The following SPTBN1 variants were observed in gnomAD, a reference collection of about 807,000 sequenced individuals.
SPTBN1 encodes the protein spectrin beta, non-erythrocytic 1, also known as spectrin beta chain, non-erythrocytic 1.
A neutral mutation model predicts 266.4 loss-of-function variants in SPTBN1; 32 were observed. The observed-to-expected ratio is 0.12, with a 90% confidence interval of 0.09 to 0.16. SPTBN1 has a LOEUF of 0.16. SPTBN1 is among the 10% of genes least tolerant of loss of function. The pLI is 1.00. For synonymous variants in SPTBN1, 1,336 were observed against 1,162.2 expected (o/e 1.15, Z -3.04); for missense variants, 2,296 against 3,067.1 (o/e 0.75, Z 5.94).
At chr2:54,503,721 A>G (rs2104141769) in intron 1 of SPTBN1, among the ~76,000 whole-genome samples, 1 of 152,206 alleles carries the variant, frequency 6.6e-6, no homozygotes, top group African/African-American at 2.4e-5. Flanking sequence ...AGCAAAACCA[A>G]CCCACTTCTG....
intron 15 of SPTBN1, among the ~76,000 whole-genome samples, chr2:54,630,592 A>C (rs1433948033): frequency 6.6e-6 from 1 of 152,176 alleles, no homozygotes. Context: ...CTGGGAATGG[A>C]TATCTTGTAA....
intron 2 of SPTBN1, among the ~76,000 whole-genome samples, chr2:54,588,942 C>T (rs946817340): frequency 1.3e-5 from 2 of 151,854 alleles, no homozygotes; most frequent in African/African-American, 4.8e-5. Flanking sequence ...ATATTTTTAA[C>T]TTTTGTGGAT....
chr2:54,582,277 TAAAA>T (rs1674972870), intron 2 of SPTBN1, among the ~76,000 whole-genome samples: 2 of 152,044 alleles, frequency 1.3e-5, no homozygotes, highest in African/African-American at 4.8e-5. Context: ...AGGTGACACT[TAAAA>T]AGGAAGGTGT....
At chr2:54,456,771 TGCGGTGAG>T (rs1693054230) in intron 1 of SPTBN1, among the ~76,000 whole-genome samples, 4 of 150,368 alleles carry the variant, frequency 2.7e-5, no homozygotes, top group Admixed American at 2.6e-4. Context: ...CGGCAGGCTC[TGCGGTGAG>T]GCGGCAGCAG....
chr2:54,527,314 G>A (rs13409138), intron 2 of SPTBN1: 2 of 152,210 alleles, frequency 1.3e-5, no homozygotes, highest in African/African-American at 4.8e-5. Context: ...TTCAGATGAA[G>A]TTTATTCCAA....
chr2:54,591,495 A>ATAC (rs1325226195), intron 2 of SPTBN1, among the ~76,000 whole-genome samples: 3 of 152,244 alleles, frequency 2.0e-5, no homozygotes, highest in African/African-American at 7.2e-5. Flanking sequence ...TTACTGGGTT[A>ATAC]TACGTGCAGG....
intron 2 of SPTBN1, among the ~76,000 whole-genome samples, chr2:54,541,028 A>C (rs951493396): frequency 2.0e-5 from 3 of 152,238 alleles, no homozygotes; most frequent in African/African-American, 7.2e-5. Flanking sequence ...AAAACAATCT[A>C]GTAACTTCCT....
chr2:54,603,284 A>C (rs996582954), intron 3 of SPTBN1, among the ~76,000 whole-genome samples: 4 of 152,194 alleles, frequency 2.6e-5, no homozygotes, highest in African/African-American at 9.7e-5. Context: ...GGTAGCAGGC[A>C]TCAGGAACTG....
chr2:54,617,794 G>A (rs564848190), intron 6 of SPTBN1, 106 bp downstream of exon 6: 49 of 1,100,502 alleles, frequency 4.5e-5, no homozygotes, highest in African/African-American at 9.4e-5. Context: ...CTGTCTCACC[G>A]TGGTGGAAAT....
chr2:54,512,744 T>G (rs1334674110), intron 1 of SPTBN1, among the ~76,000 whole-genome samples: 7 of 152,222 alleles, frequency 4.6e-5, no homozygotes, highest in Non-Finnish European at 1.5e-5. Flanking sequence ...AGAATTTTAC[T>G]GGGATCCAAA....
chr2:54,568,787 G>A (rs1673847899), intron 2 of SPTBN1, among the ~76,000 whole-genome samples: 1 of 152,204 alleles, frequency 6.6e-6, no homozygotes, highest in Non-Finnish European at 1.5e-5. Context: ...GTCCTGGGAA[G>A]TAGAAATTTA....
chr2:54,657,694 A>T (rs1374257307), intron 29 of SPTBN1, 156 bp from the exon 30 acceptor site: 2 of 819,752 alleles, frequency 2.4e-6, no homozygotes, highest in East Asian at 2.7e-5. Context: ...AGTGTGGCTC[A>T]CATTACATTT....
intron 1 of SPTBN1, among the ~76,000 whole-genome samples, chr2:54,474,595 A>G: frequency 1.3e-5 from 2 of 152,336 alleles, no homozygotes; most frequent in South Asian, 4.1e-4. Flanking sequence ...ATTAATAAAA[A>G]CTTTAATATT....
In SPTBN1 at chr2:54,632,649, C is replaced by G. The variant is rs747122816; in HGVS notation, c.3648C>G (p.Thr1216=). 6 of 1,614,086 alleles carry G rather than the reference C, an allele frequency of 3.7e-6. No individual in the cohort carries two copies. In the South Asian group the frequency reaches 6.6e-5, roughly 18 times the overall value. Residue 1216 remains threonine (T), a synonymous_variant, in exon 17 of 36, where the codon ACC becomes ACG. Transcript: ENST00000356805. ...AAIKKQEDFM[T]TMDANEEKIN... ...TTAAAAAGCAAGAGGACTTCATGAC[C>G]ACCATGGACGCCAATGAGGAGAAGA...
chr2:54,577,221 A>G (rs939400445), intron 2 of SPTBN1, among the ~76,000 whole-genome samples: 16 of 152,194 alleles, frequency 1.1e-4, no homozygotes, highest in African/African-American at 3.6e-4. Flanking sequence ...CTTGCATTTC[A>G]GTTCTCTAAC....
chr2:54,617,207 C>T (rs1677664787), intron 5 of SPTBN1, among the ~76,000 whole-genome samples: 1 of 152,140 alleles, frequency 6.6e-6, no homozygotes, highest in Admixed American at 6.5e-5. Context: ...ACAGATAGTC[C>T]CACCACTTCT....
intron 2 of SPTBN1, among the ~76,000 whole-genome samples, chr2:54,586,260 A>G (rs983771088): frequency 2.0e-5 from 3 of 152,246 alleles, no homozygotes; most frequent in African/African-American, 7.2e-5. Flanking sequence ...TATTTAATTT[A>G]TCAATCTGTC....
chr2:54,500,581 T>C (rs751838665), intron 1 of SPTBN1, among the ~76,000 whole-genome samples: 1 of 152,214 alleles, frequency 6.6e-6, no homozygotes, highest in African/African-American at 2.4e-5. Context: ...GGTCTGGCTC[T>C]GTTGCCCAGG....
intron 1 of SPTBN1, among the ~76,000 whole-genome samples, chr2:54,457,916 G>A (rs1306046070): frequency 6.6e-6 from 1 of 152,258 alleles, no homozygotes; most frequent in Non-Finnish European, 1.5e-5. Context: ...AGGGGAGCCG[G>A]CCTGTGGTTG....
Sources: gnomAD v4.1 joint callset for allele counts (sites outside exome capture counted in the v4.1 genomes callset) on GRCh38, gnomAD v4.1.1 for gene constraint, MANE v1.5 for transcripts, NCBI Gene and HGNC (gene_info 2026-07-23, HGNC 2026-07-21) for gene names.